AUTS2: variants seen among roughly 807,000 people sequenced by gnomAD.
AUTS2 encodes autism susceptibility gene 2 protein.
Under a neutral mutation model 112.4 loss-of-function variants are expected in AUTS2, and 17 were observed. The ratio of observed to expected loss-of-function variants is 0.15; its 90% CI spans 0.10 to 0.23. AUTS2 has a LOEUF of 0.23. AUTS2 is among the 10% of genes least tolerant of loss of function. AUTS2 has a pLI of 1.00. For missense variants in AUTS2, 1,510 were observed against 1,701.6 expected (o/e 0.89, Z 1.98); for synonymous variants, 751 against 702.7 (o/e 1.07, Z -1.09).
chr7:70,579,260 A>AAAAAAAAAAAAAAAAAAAAAT, intron 5 of AUTS2, among the ~76,000 whole-genome samples: 1 of 149,622 alleles, frequency 6.7e-6, no homozygotes, highest in Non-Finnish European at 1.5e-5. Context: ...AAAAAAAAAA[A>AAAAAAAAAAAAAAAAAAAAAT]AAGATGAAGG....
intron 6 of AUTS2, among the ~76,000 whole-genome samples, chr7:70,720,664 T>C (rs1786590173): frequency 6.6e-6 from 1 of 152,186 alleles, no homozygotes; most frequent in South Asian, 2.1e-4. Flanking sequence ...CTTCTCTCTT[T>C]CTTTGTCACC....
intron 1 of AUTS2, among the ~76,000 whole-genome samples, chr7:69,656,524 A>G (rs1247502557): frequency 6.6e-6 from 1 of 152,192 alleles, no homozygotes; most frequent in East Asian, 1.9e-4. Context: ...AAAAAAGAAC[A>G]TAGGGCATGT....
chr7:69,716,872 A>C (rs906258925), intron 1 of AUTS2, among the ~76,000 whole-genome samples: 2 of 152,126 alleles, frequency 1.3e-5, no homozygotes, highest in Non-Finnish European at 2.9e-5. Flanking sequence ...GAATATTACA[A>C]AGGATACAGA....
intron 1 of AUTS2, among the ~76,000 whole-genome samples, chr7:69,720,804 C>T (rs1284021671): frequency 1.3e-5 from 2 of 152,092 alleles, no homozygotes; most frequent in African/African-American, 4.8e-5. Flanking sequence ...CAACGTATTT[C>T]AGGGAGATTT....
At chr7:70,217,490 A>G (rs1811230398) in intron 4 of AUTS2, among the ~76,000 whole-genome samples, 1 of 152,198 alleles carries the variant, frequency 6.6e-6, no homozygotes, top group African/African-American at 2.4e-5. Context: ...TTCATTTCCT[A>G]GTTCATTCTA....
intron 2 of AUTS2, among the ~76,000 whole-genome samples, chr7:69,982,283 A>G (rs1031189298): frequency 5.3e-5 from 8 of 152,310 alleles, no homozygotes; most frequent in Non-Finnish European, 7.3e-5. Context: ...CACAGTGAAT[A>G]CTAAAGGGAA....
chr7:70,088,448 T>C (rs539526264), intron 2 of AUTS2, among the ~76,000 whole-genome samples: 13 of 151,986 alleles, frequency 8.6e-5, no homozygotes, highest in Non-Finnish European at 1.6e-4. Context: ...TCATATTCTT[T>C]ATTGCCTTTC....
chr7:70,224,331 G>GTACAATACAATACAA (rs61077173), intron 4 of AUTS2, among the ~76,000 whole-genome samples: 56 of 138,692 alleles, frequency 4.0e-4, no homozygotes, highest in Admixed American at 9.7e-4. Context: ...ATACAGTACA[G>GTACAATACAATACAA]TACAATACAA....
At chr7:70,105,132 G>A (rs564023763) in intron 2 of AUTS2, among the ~76,000 whole-genome samples, 2 of 152,256 alleles carry the variant, frequency 1.3e-5, no homozygotes, top group Admixed American at 1.3e-4. Context: ...GCTGTTTCAT[G>A]CCTTGTGATC....
In AUTS2 at chr7:70,751,034, C is replaced by T. The variant is rs190370311; in HGVS notation, c.743-11836C>T. Among the ~76,000 whole-genome samples, 501 of 152,272 alleles carry T rather than the reference C, an allele frequency of 3.3e-3. 1 individual carries two copies. Among genetic ancestry groups the T allele is most frequent in the South Asian group, 9.8e-3 (47 of 4,818 alleles). On this transcript the variant is annotated intron_variant, in intron 6 of 18. Transcript: ENST00000342771. ...TAGCTAAATGACTTGTTCCATGGCC[C>T]CATTATATCACAGACATGTTGATGT...
intron 4 of AUTS2, among the ~76,000 whole-genome samples, chr7:70,253,508 C>T (rs762706837): frequency 2.8e-4 from 42 of 152,096 alleles, no homozygotes; most frequent in Non-Finnish European, 4.0e-4. Context: ...CTGTGAATTG[C>T]TTATTTCCCT....
At chr7:69,744,882 A>G (rs1189657618) in intron 1 of AUTS2, among the ~76,000 whole-genome samples, 1 of 152,136 alleles carries the variant, frequency 6.6e-6, no homozygotes, top group Admixed American at 6.6e-5. Context: ...AAGCTACACA[A>G]AAGCACTGTA....
chr7:70,419,528 C>A (rs1795126994), intron 4 of AUTS2, among the ~76,000 whole-genome samples: 1 of 152,104 alleles, frequency 6.6e-6, no homozygotes, highest in African/African-American at 2.4e-5. Flanking sequence ...TATGTGCTGA[C>A]AGTAGCCATA....
chr7:69,757,473 G>GT (rs1787988110), intron 1 of AUTS2, among the ~76,000 whole-genome samples: 1 of 152,156 alleles, frequency 6.6e-6, no homozygotes, highest in African/African-American at 2.4e-5. Flanking sequence ...GCAGGGTTTT[G>GT]TCAGTTATCA....
At chr7:70,731,725 A>G (rs1355491426) in intron 6 of AUTS2, among the ~76,000 whole-genome samples, 10 of 148,030 alleles carry the variant, frequency 6.8e-5, no homozygotes, top group Non-Finnish European at 1.0e-4. Flanking sequence ...CACCGCGCCC[A>G]GTCTCCTTTA....
intron 14 of AUTS2, among the ~76,000 whole-genome samples, chr7:70,779,429 C>T (rs1457252344): frequency 3.3e-5 from 5 of 152,162 alleles, no homozygotes; most frequent in African/African-American, 1.2e-4. Flanking sequence ...TAATGAGGAT[C>T]AGTTGTGTGT....
chr7:70,675,569 T>G (rs891505554), intron 5 of AUTS2, among the ~76,000 whole-genome samples: 16 of 152,198 alleles, frequency 1.1e-4, no homozygotes, highest in Non-Finnish European at 2.2e-4. Flanking sequence ...ACCCTTTTCT[T>G]CTGTTCCTGG....
chr7:70,573,150 TGATA>T (rs1187060026), intron 5 of AUTS2, among the ~76,000 whole-genome samples: 3 of 152,232 alleles, frequency 2.0e-5, no homozygotes, highest in African/African-American at 7.2e-5. Context: ...TTAGGCCTAT[TGATA>T]GATTTGCCTG....
At chr7:70,383,067 T>C (rs1003780299) in intron 4 of AUTS2, among the ~76,000 whole-genome samples, 1 of 152,256 alleles carries the variant, frequency 6.6e-6, no homozygotes, top group Non-Finnish European at 1.5e-5. Flanking sequence ...CTTTTAATGT[T>C]GATCAATAGA....
Sources: gnomAD v4.1 joint callset for allele counts (sites outside exome capture counted in the v4.1 genomes callset) on GRCh38, gnomAD v4.1.1 for gene constraint, MANE v1.5 for transcripts, NCBI Gene and HGNC (gene_info 2026-07-23, HGNC 2026-07-21) for gene names.